The following FBXL13 variants were observed in gnomAD, a reference collection of about 807,000 sequenced individuals.
The protein encoded by FBXL13 is F-box and leucine rich repeat protein 13, also known as F-box and leucine-rich repeat protein 13.
A neutral mutation model predicts 83.6 loss-of-function variants in FBXL13; 67 were observed. The ratio of observed to expected loss-of-function variants is 0.80; its 90% confidence interval spans 0.66 to 0.98. FBXL13 has a LOEUF of 0.98. FBXL13 is among the 50% of genes least tolerant of loss of function. The pLI, the probability that FBXL13 is intolerant of heterozygous loss-of-function variation, is 0.00. For synonymous variants in FBXL13, 272 were observed against 299.5 expected, an observed-to-expected ratio of 0.91 and a Z score of 0.95; for missense variants, 822 against 866.5, an observed-to-expected ratio of 0.95 and a Z score of 0.64.
intron 17 of FBXL13, among the ~76,000 whole-genome samples, chr7:102,842,918 G>A (rs528173675): frequency 1.3e-5 from 2 of 152,324 alleles, no homozygotes; most frequent in Non-Finnish European, 2.9e-5. Context: ...CAAATGAACA[G>A]CAATGACTGT....
intron 16 of FBXL13, among the ~76,000 whole-genome samples, chr7:102,868,134 A>G (rs1055969909): frequency 1.2e-4 from 18 of 152,184 alleles, no homozygotes; most frequent in African/African-American, 3.9e-4. Flanking sequence ...CTATCACCTC[A>G]TTGATCATTT....
intron 11 of FBXL13, among the ~76,000 whole-genome samples, chr7:102,905,026 C>A (rs1813534642): frequency 6.6e-6 from 1 of 151,858 alleles, no homozygotes; most frequent in African/African-American, 2.4e-5. Flanking sequence ...GTTTTGTGAA[C>A]TAACATATGA....
At chr7:102,944,208 A>G in intron 8 of FBXL13, 2 of 1,596,354 alleles carry the variant, frequency 1.3e-6, no homozygotes, top group Middle Eastern at 1.7e-4. Flanking sequence ...TTCTGTTTCC[A>G]GCCGCTTTTT....
chr7:102,867,926 T>C (rs1374656512), intron 16 of FBXL13, among the ~76,000 whole-genome samples: 1 of 151,390 alleles, frequency 6.6e-6, no homozygotes, highest in Non-Finnish European at 1.5e-5. Flanking sequence ...ATGGTCTCGA[T>C]CTCCTGATCT....
chr7:103,074,542 G>A, exon 1 of FBXL13: 11 of 1,210,924 alleles, frequency 9.1e-6, no homozygotes, highest in Non-Finnish European at 1.2e-5. Flanking sequence ...CTACAAGTCC[G>A]AATTTGACTT....
chr7:102,894,098 T>A (rs1250541948), intron 11 of FBXL13, among the ~76,000 whole-genome samples: 3 of 152,236 alleles, frequency 2.0e-5, no homozygotes, highest in African/African-American at 7.2e-5. Context: ...ATTTGGCTAG[T>A]ACATTCATCC....
intron 18 of FBXL13, among the ~76,000 whole-genome samples, chr7:102,829,218 G>A (rs1016693576): frequency 6.6e-6 from 1 of 152,168 alleles, no homozygotes; most frequent in African/African-American, 2.4e-5. Context: ...TGGGAAACAG[G>A]CCCTCCAGGA....
At chr7:103,007,854 A>C (rs1227231337) in intron 6 of FBXL13, among the ~76,000 whole-genome samples, 1 of 152,130 alleles carries the variant, frequency 6.6e-6, no homozygotes, top group Admixed American at 6.5e-5. Flanking sequence ...ATATCAGAAC[A>C]AGTGTGGAAA....
chr7:102,837,149 A>G (rs1802127837), intron 17 of FBXL13, among the ~76,000 whole-genome samples: 3 of 152,202 alleles, frequency 2.0e-5, no homozygotes, highest in Admixed American at 1.3e-4. Flanking sequence ...GGAGAGCTAC[A>G]CTCCACCAAC....
chr7:102,886,387 T>C (rs1461423971), intron 11 of FBXL13, among the ~76,000 whole-genome samples: 1 of 152,042 alleles, frequency 6.6e-6, no homozygotes, highest in Non-Finnish European at 1.5e-5. Context: ...TCACTAAAGG[T>C]GACTTCCAAG....
intron 6 of FBXL13, among the ~76,000 whole-genome samples, chr7:103,003,289 T>TG (rs1563205965): frequency 1.1e-4 from 14 of 126,026 alleles, no homozygotes; most frequent in African/African-American, 4.2e-4. Flanking sequence ...TTTTTTTTTT[T>TG]TTTTTTTTTT....
At chr7:102,915,122 ATT>A (rs386410852) in intron 10 of FBXL13, among the ~76,000 whole-genome samples, 88 of 127,994 alleles carry the variant, frequency 6.9e-4, no homozygotes, top group African/African-American at 9.0e-4. Flanking sequence ...AGATTAAAAT[ATT>A]TTTTTTTTTT....
chr7:103,014,986 A>T (rs1244890799), intron 6 of FBXL13, among the ~76,000 whole-genome samples: 1 of 151,938 alleles, frequency 6.6e-6, no homozygotes, highest in Non-Finnish European at 1.5e-5. Flanking sequence ...CACATCAAAA[A>T]GCTTTTCCAC....
intron 6 of FBXL13, among the ~76,000 whole-genome samples, chr7:103,020,004 T>A (rs535221432): frequency 6.6e-6 from 1 of 152,294 alleles, no homozygotes; most frequent in African/African-American, 2.4e-5. Flanking sequence ...TACGAAAGCC[T>A]GGCAGAGACA....
rs543892572 is a variant in FBXL13 at position 103,023,132 on chromosome 7, C to T, written c.495+1931G>A. 7.2e-5 allele frequency among the ~76,000 whole-genome samples: 11 copies of T among 152,122 alleles called. No individual in the cohort carries two copies. In the South Asian group the frequency reaches 1.7e-3, roughly 23 times the overall value. ...TCTACTAAAAATACAAAAAATTAGC[C>T]GGGCGTGGTGGCGGGCACCTGTGGT... is the stretch of plus-strand genomic sequence containing the variant. On this transcript the variant is annotated intron_variant, in intron 6 of 19. Coordinates refer to ENST00000313221, the Ensembl canonical transcript of FBXL13.
intron 2 of FBXL13, among the ~76,000 whole-genome samples, chr7:103,047,653 G>C (rs1247782435): frequency 1.3e-5 from 2 of 152,158 alleles, no homozygotes; most frequent in East Asian, 1.9e-4. Flanking sequence ...ATGGTTGACA[G>C]TATATACTCA....
intron 6 of FBXL13, among the ~76,000 whole-genome samples, chr7:102,998,661 T>C (rs938416402): frequency 1.3e-5 from 2 of 152,042 alleles, no homozygotes; most frequent in Non-Finnish European, 2.9e-5. Flanking sequence ...GTGGAGTCTT[T>C]ACGTTTTTCT....
At chr7:102,934,584 C>A (rs1402588323) in intron 8 of FBXL13, 1 of 1,613,888 alleles carries the variant, frequency 6.2e-7, no homozygotes, top group Admixed American at 1.7e-5. Flanking sequence ...GACCCGAAAC[C>A]CCAAGTGTCA....
intron 16 of FBXL13, among the ~76,000 whole-genome samples, chr7:102,870,672 G>A (rs1808405181): frequency 6.6e-6 from 1 of 152,174 alleles, no homozygotes. Context: ...GTGGCTGAGG[G>A]AAAGGAAATG....
Sources: allele counts gnomAD v4.1 joint callset (sites outside exome capture counted in the v4.1 genomes callset), GRCh38; gene constraint gnomAD v4.1.1; transcripts MANE v1.5; gene names NCBI Gene and HGNC (gene_info 2026-07-23, HGNC 2026-07-21).